The following TYW1 variants were observed in gnomAD, a reference collection of about 807,000 sequenced individuals.
TYW1 encodes the protein S-adenosyl-L-methionine-dependent tRNA 4-demethylwyosine synthase TYW1.
TYW1 carries 46 observed loss-of-function variants against 96.2 expected under a neutral mutation model. That is an observed-to-expected ratio of 0.48 (90% CI 0.38 to 0.61). The LOEUF is 0.61. TYW1 is among the 20% of genes least tolerant of loss of function. The pLI is 0.00. For missense variants in TYW1, 684 were observed against 909.6 expected (o/e 0.75, Z 3.19); for synonymous variants, 274 against 323.0 (o/e 0.85, Z 1.63).
intron 13 of TYW1, among the ~76,000 whole-genome samples, chr7:67,151,589 T>G (rs1431986093): frequency 6.6e-6 from 1 of 152,104 alleles, no homozygotes; most frequent in African/African-American, 2.4e-5. Flanking sequence ...GAGGAATATA[T>G]CTACAAGCAG....
At chr7:67,096,186 G>A (rs193063212) in intron 11 of TYW1, among the ~76,000 whole-genome samples, 11 of 152,276 alleles carry the variant, frequency 7.2e-5, no homozygotes, top group Admixed American at 5.9e-4. Context: ...TCAGGAGATC[G>A]AGACCATCCT....
intron 7 of TYW1, among the ~76,000 whole-genome samples, chr7:67,035,834 T>C (rs1419707893): frequency 6.6e-6 from 1 of 151,908 alleles, no homozygotes; most frequent in East Asian, 1.9e-4. Flanking sequence ...CATGCCACCA[T>C]GCCCAGCTAA....
At chr7:67,085,395 G>T (rs551930968) in intron 11 of TYW1, among the ~76,000 whole-genome samples, 3 of 152,228 alleles carry the variant, frequency 2.0e-5, no homozygotes, top group African/African-American at 7.2e-5. Flanking sequence ...TTTATGAGGG[G>T]CTCTTCCCCC....
At chr7:67,012,998 T>C (rs552934459) in intron 4 of TYW1, among the ~76,000 whole-genome samples, 18 of 152,218 alleles carry the variant, frequency 1.2e-4, no homozygotes, top group Non-Finnish European at 2.4e-4. Flanking sequence ...TCCCCGGGAT[T>C]TGCAACAGTT....
chr7:67,049,938 T>C lies in TYW1; in HGVS notation c.985-11T>C. 6.2e-7 allele frequency: 1 copy of C among 1,613,584 alleles called. No individual in the cohort carries two copies. The highest frequency in any genetic ancestry group is 2.2e-5 in the East Asian group (1 of 44,864). ...CAATTCTGGATTTCATTCTTTTTTA[T>C]TTTAATGCAGAGAGAAAAGGAACAG... is the stretch of plus-strand genomic sequence containing the variant. On this transcript the variant is annotated splice_polypyrimidine_tract_variant and intron_variant, in intron 7 of 15. Coordinates refer to ENST00000359626, the MANE Select transcript of TYW1 (RefSeq NM_018264.4).
chr7:67,185,397 A>G (rs1449580087), intron 14 of TYW1, among the ~76,000 whole-genome samples: 1 of 151,630 alleles, frequency 6.6e-6, no homozygotes, highest in South Asian at 2.1e-4. Context: ...CAAGCAAGAG[A>G]TGGTTTGGGG....
intron 6 of TYW1, among the ~76,000 whole-genome samples, chr7:67,018,967 A>G (rs1487130383): frequency 9.5e-6 from 1 of 105,010 alleles, no homozygotes; most frequent in Non-Finnish European, 2.2e-5. Context: ...AAAAAAAAAA[A>G]AAAAAAGAAA....
At chr7:67,102,052 G>C (rs1389477339) in intron 12 of TYW1, among the ~76,000 whole-genome samples, 1 of 152,182 alleles carries the variant, frequency 6.6e-6, no homozygotes, top group African/African-American at 2.4e-5. Context: ...CATTGGGATA[G>C]AATGGTGTTT....
intron 7 of TYW1, among the ~76,000 whole-genome samples, chr7:67,026,161 CT>C (rs1340447383): frequency 2.6e-5 from 4 of 152,270 alleles, no homozygotes; most frequent in African/African-American, 7.2e-5. Context: ...CAACCTCTGC[CT>C]CCTGGTTTCA....
At chr7:67,176,450 A>G (rs189965681) in intron 13 of TYW1, among the ~76,000 whole-genome samples, 28 of 152,320 alleles carry the variant, frequency 1.8e-4, no homozygotes, top group African/African-American at 6.5e-4. Flanking sequence ...GATCTTAGCC[A>G]AAAGGCCAAG....
At chr7:67,081,718 CTTCTTCTT>C (rs1461306647) in intron 10 of TYW1, among the ~76,000 whole-genome samples, 4 of 151,490 alleles carry the variant, frequency 2.6e-5, no homozygotes, top group Non-Finnish European at 5.9e-5. Context: ...CTTCTCTCTT[CTTCTTCTT>C]TTCTTCTTTC....
intron 12 of TYW1, among the ~76,000 whole-genome samples, chr7:67,104,611 G>A (rs1002201249): frequency 6.6e-6 from 1 of 152,134 alleles, no homozygotes; most frequent in African/African-American, 2.4e-5. Context: ...CCTTAGAGGA[G>A]TTTTCACAGT....
intron 10 of TYW1, among the ~76,000 whole-genome samples, chr7:67,068,127 T>C (rs1037583070): frequency 6.6e-6 from 1 of 151,896 alleles, no homozygotes; most frequent in African/African-American, 2.4e-5. Context: ...GTTCAAGTGA[T>C]TCTCCTGTCT....
chr7:67,211,077 A>T (rs1195399670), intron 15 of TYW1, among the ~76,000 whole-genome samples: 2 of 150,040 alleles, frequency 1.3e-5, no homozygotes, highest in African/African-American at 4.9e-5. Flanking sequence ...TTGTTGCTCA[A>T]ATTGTCCCAG....
At chr7:67,222,215 GA>G (rs992659215) in intron 15 of TYW1, among the ~76,000 whole-genome samples, 13 of 151,710 alleles carry the variant, frequency 8.6e-5, no homozygotes, top group Non-Finnish European at 1.9e-4. Flanking sequence ...AAAAAGAAAA[GA>G]AAAAAATATA....
intron 11 of TYW1, among the ~76,000 whole-genome samples, 192 bp from the exon 12 acceptor site, chr7:67,098,349 A>G (rs1796983952): frequency 6.6e-6 from 1 of 152,260 alleles, no homozygotes; most frequent in Non-Finnish European, 1.5e-5. Flanking sequence ...TACCAAAACT[A>G]AGAATGAGGT....
At chr7:67,018,423 C>T (rs1183226748) in intron 6 of TYW1, among the ~76,000 whole-genome samples, 1 of 151,838 alleles carries the variant, frequency 6.6e-6, no homozygotes. Flanking sequence ...TGCCTGTTGT[C>T]TCAGCTACGT....
At chr7:67,027,623 A>G (rs943025993) in intron 7 of TYW1, among the ~76,000 whole-genome samples, 33 of 152,180 alleles carry the variant, frequency 2.2e-4, no homozygotes, top group African/African-American at 8.0e-4. Flanking sequence ...TTACTATGCA[A>G]TGAACTCTTT....
rs1388479698 is a variant in TYW1, at chr7:67,179,863, A to T, written c.1699-3263A>T. ...TCATTAGGAATATATATATATATAT[A>T]TATTTTTTTTTTTTGGCGGGGGACA... On this transcript the variant is annotated intron_variant, in intron 13 of 15. Coordinates refer to ENST00000359626, the MANE Select transcript of TYW1 (RefSeq NM_018264.4). Among the ~76,000 whole-genome samples, 683 of 75,152 alleles carry T rather than the reference A, an allele frequency of 9.1e-3. 58 individuals carry two copies. Among genetic ancestry groups the T allele is most frequent in the East Asian group, 0.026 (109 of 4,246 alleles). The allele number at this position is 75,152 out of a possible 152,430, so 49.3% of individuals were successfully genotyped here.
Sources: allele counts gnomAD v4.1 joint callset (sites outside exome capture counted in the v4.1 genomes callset), GRCh38; gene constraint gnomAD v4.1.1; transcripts MANE v1.5; gene names NCBI Gene and HGNC (gene_info 2026-07-23, HGNC 2026-07-21).